Variants in CWH43 observed in about 807,000 individuals in gnomAD.
CWH43 encodes PGAP2-interacting protein.
CWH43 carries 91 observed loss-of-function variants against 85.7 expected under a neutral mutation model. The ratio of observed to expected loss-of-function variants is 1.06; its 90% CI spans 0.90 to 1.26. The LOEUF is 1.26. Among genes scored for constraint, CWH43 ranks in the 50% most tolerant of loss-of-function variants. The pLI, the probability that CWH43 is intolerant of heterozygous loss-of-function variation, is 0.00. For synonymous variants in CWH43, 323 were observed against 293.6 expected (o/e 1.10, Z -1.02); for missense variants, 869 against 839.2 (o/e 1.04, Z -0.44).
intron 7 of CWH43, among the ~76,000 whole-genome samples, chr4:49,005,223 A>G (rs1296215508): frequency 6.6e-6 from 1 of 152,192 alleles, no homozygotes; most frequent in Non-Finnish European, 1.5e-5. Context: ...ATCTGTATAA[A>G]TTTGTGGGGT....
intron 13 of CWH43, among the ~76,000 whole-genome samples, chr4:49,040,717 T>A (rs1784432627): frequency 6.6e-6 from 1 of 152,244 alleles, no homozygotes; most frequent in Admixed American, 6.5e-5. Flanking sequence ...GATGGTAGTT[T>A]CCTTTGCTGT....
At chr4:48,998,321 G>C (rs1418637332) in intron 5 of CWH43, 139 bp from the exon 6 acceptor site, 9 of 618,480 alleles carry the variant, frequency 1.5e-5, no homozygotes, top group Non-Finnish European at 2.6e-5. Context: ...CTTCCAGTGG[G>C]CTCTCATGAT....
At chr4:49,039,709 CAG>C (rs1175968343) in intron 13 of CWH43, among the ~76,000 whole-genome samples, 3 of 151,340 alleles carry the variant, frequency 2.0e-5, no homozygotes, top group East Asian at 2.0e-4. Context: ...CAGAAAATAA[CAG>C]AGAGTGTATT....
chr4:49,042,803 A>T (rs1784505466), intron 13 of CWH43, among the ~76,000 whole-genome samples: 1 of 152,246 alleles, frequency 6.6e-6, no homozygotes, highest in African/African-American at 2.4e-5. Flanking sequence ...AAACCTGGAA[A>T]GTGTGTAATC....
At chr4:48,989,648 G>A (rs1782596363) in intron 2 of CWH43, among the ~76,000 whole-genome samples, 2 of 152,110 alleles carry the variant, frequency 1.3e-5, no homozygotes, top group South Asian at 2.1e-4. Flanking sequence ...GGCTGGTCTC[G>A]AATTCCTGAG....
chr4:49,050,588 G>T, intron 14 of CWH43, 106 bp from the exon 15 acceptor site: 1 of 828,142 alleles, frequency 1.2e-6, no homozygotes, highest in Non-Finnish European at 1.9e-6. Flanking sequence ...ACAGAGTAGA[G>T]TTAGAAGTGG....
At chr4:49,038,870 A>C (rs1417439108) in intron 13 of CWH43, among the ~76,000 whole-genome samples, 1 of 151,542 alleles carries the variant, frequency 6.6e-6, no homozygotes, top group Non-Finnish European at 1.5e-5. Context: ...CATCCTGGTT[A>C]ACATGGTGAA....
chr4:49,040,933 AAGGGATCC>A (rs2109824300), intron 13 of CWH43, among the ~76,000 whole-genome samples: 1 of 152,300 alleles, frequency 6.6e-6, no homozygotes, highest in East Asian at 1.9e-4. Context: ...AGATGTAAGG[AAGGGATCC>A]AGTTTCAGCT....
chr4:49,057,763 T>C (rs1167967461), intron 15 of CWH43, among the ~76,000 whole-genome samples: 1 of 152,208 alleles, frequency 6.6e-6, no homozygotes, highest in African/African-American at 2.4e-5. Flanking sequence ...CCTTCAGTTC[T>C]GTTAATATTT....
At chr4:49,045,749 C>T (rs1406282318) in intron 14 of CWH43, among the ~76,000 whole-genome samples, 1 of 152,072 alleles carries the variant, frequency 6.6e-6, no homozygotes, top group Non-Finnish European at 1.5e-5. Flanking sequence ...TTTAAATCGA[C>T]ACATAATAAT....
chr4:49,053,369 TG>T (rs951542725), intron 15 of CWH43, among the ~76,000 whole-genome samples: 1 of 152,194 alleles, frequency 6.6e-6, no homozygotes, highest in Non-Finnish European at 1.5e-5. Flanking sequence ...ACTTTGGTAA[TG>T]TTTTCCATAA....
chr4:49,003,592 C>A (rs747041591), intron 6 of CWH43, 143 bp from the exon 7 acceptor site: 3 of 771,792 alleles, frequency 3.9e-6, no homozygotes, highest in Non-Finnish European at 6.4e-6. Flanking sequence ...ATCACATTAA[C>A]CTTGTCAGAT....
At chr4:49,021,404 G>C (rs1783746506) in intron 9 of CWH43, among the ~76,000 whole-genome samples, 1 of 152,048 alleles carries the variant, frequency 6.6e-6, no homozygotes, top group Non-Finnish European at 1.5e-5. Context: ...CTGTTCCATT[G>C]GTCTATATGC....
chr4:48,994,520 A>G (rs1282620830), intron 4 of CWH43, 99 bp from the exon 5 acceptor site: 98 of 992,236 alleles, frequency 9.9e-5, no homozygotes, highest in Middle Eastern at 2.9e-4. Context: ...AGCTTCTTGA[A>G]GCCAAATACC....
intron 9 of CWH43, among the ~76,000 whole-genome samples, chr4:49,018,254 G>C (rs188991402): frequency 9.2e-5 from 14 of 152,088 alleles, no homozygotes; most frequent in African/African-American, 2.7e-4. Flanking sequence ...CAGTACCGAG[G>C]GTGTGGTGCT....
intron 6 of CWH43, among the ~76,000 whole-genome samples, chr4:49,001,862 T>C (rs552192367): frequency 1.3e-5 from 2 of 152,272 alleles, no homozygotes; most frequent in Admixed American, 6.5e-5. Flanking sequence ...AAAACAGTCA[T>C]TGTAAGCCGT....
At position 48,991,381 on chromosome 4, in the gene CWH43, G is replaced by A. The variant is rs1443031752; in HGVS notation, c.236-73G>A. On this transcript the variant is annotated intron_variant, in intron 2 of 15. Transcript: ENST00000226432. ...GTATAAAGATGGTATCAGATAACATGCATCAAATGCAGATCACGGAGTTCC... is the reference window on the plus strand; with the variant it reads ...GTATAAAGATGGTATCAGATAACATACATCAAATGCAGATCACGGAGTTCC... 6.6e-6 allele frequency: 10 copies of A among 1,522,696 alleles called. No individual in the cohort carries two copies. The African/African-American group carries it at 1.4e-4, about 21-fold the overall frequency. The allele number at this position is 1,522,696 out of a possible 1,614,324, so 94.3% of individuals were successfully genotyped here.
rs199831055 is a variant in CWH43 at position 48,988,671 on chromosome 4, A to T, written c.235+3A>T. On this transcript the variant is annotated splice_donor_region_variant and intron_variant, in intron 2 of 15. Transcript: ENST00000226432. ...CCTGCTGAGGATAATCACTATTGGT[A>T]AGATTTAAAAGAGTTTCTTTAAGTT... The T allele has an allele frequency of 1.9e-6, 3 of 1,562,968 alleles. No individual in the cohort carries two copies. The East Asian group carries it at 6.8e-5, about 35-fold the overall frequency.
chr4:49,003,614 C>T (rs1783061320), intron 6 of CWH43, 121 bp from the exon 7 acceptor site: 3 of 925,174 alleles, frequency 3.2e-6, no homozygotes, highest in Admixed American at 2.3e-5. Context: ...TTAGTTTTCT[C>T]ATCTGTCTGG....
Sources: allele counts gnomAD v4.1 joint callset (sites outside exome capture counted in the v4.1 genomes callset), GRCh38; gene constraint gnomAD v4.1.1; transcripts MANE v1.5; gene names NCBI Gene and HGNC (gene_info 2026-07-23, HGNC 2026-07-21).